The following EPHB1 variants were observed in gnomAD, a reference collection of about 807,000 sequenced individuals.
EPHB1 encodes EPH receptor B1, also known as ephrin type-B receptor 1.
A neutral mutation model predicts 94.4 loss-of-function variants in EPHB1; 30 were observed. The ratio of observed to expected loss-of-function variants is 0.32; its 90% CI spans 0.24 to 0.43. The LOEUF (loss-of-function observed/expected upper bound fraction) is 0.43, where lower values mean the gene tolerates loss of function less well. Among genes scored for constraint, EPHB1 ranks in the 20% least tolerant of loss-of-function variants. EPHB1 has a pLI of 1.00. For missense variants in EPHB1, 1,055 were observed against 1,308.3 expected, an observed-to-expected ratio of 0.81 and a Z score of 2.99; for synonymous variants, 522 against 489.1, an observed-to-expected ratio of 1.07 and a Z score of -0.89.
At chr3:135,146,817 G>T (rs979506164) in intron 5 of EPHB1, among the ~76,000 whole-genome samples, 3 of 152,112 alleles carry the variant, frequency 2.0e-5, no homozygotes, top group African/African-American at 7.2e-5. Context: ...TTACCTTGGG[G>T]AATGATGCCC....
intron 1 of EPHB1, among the ~76,000 whole-genome samples, chr3:134,854,498 A>G (rs1260296573): frequency 3.3e-5 from 5 of 152,058 alleles, no homozygotes; most frequent in African/African-American, 9.7e-5. Flanking sequence ...GCTTTAGAAC[A>G]GCCTGTGAAA....
intron 15 of EPHB1, among the ~76,000 whole-genome samples, chr3:135,250,716 T>TAC (rs1431991692): frequency 6.6e-6 from 1 of 151,894 alleles, no homozygotes; most frequent in African/African-American, 2.4e-5. Flanking sequence ...CACACACACA[T>TAC]ACACACACAC....
At chr3:135,099,584 G>A (rs1938956312) in intron 3 of EPHB1, among the ~76,000 whole-genome samples, 1 of 152,186 alleles carries the variant, frequency 6.6e-6, no homozygotes, top group African/African-American at 2.4e-5. Flanking sequence ...TTCCTTCTAG[G>A]GAGTTTCACC....
At chr3:135,106,685 G>A (rs2107799166) in intron 4 of EPHB1, 82 bp downstream of exon 4, 2 of 1,544,912 alleles carry the variant, frequency 1.3e-6, no homozygotes, top group Non-Finnish European at 1.8e-6. Context: ...AGGAAGAGAA[G>A]ACATCATCCT....
chr3:134,993,001 T>G (rs1367796771), intron 3 of EPHB1, among the ~76,000 whole-genome samples: 1 of 152,170 alleles, frequency 6.6e-6, no homozygotes, highest in Non-Finnish European at 1.5e-5. Context: ...TGGCCCATCC[T>G]CATGTGTCAC....
chr3:135,108,175 G>C (rs1181269021), intron 4 of EPHB1, among the ~76,000 whole-genome samples: 2 of 152,154 alleles, frequency 1.3e-5, no homozygotes, highest in Non-Finnish European at 2.9e-5. Flanking sequence ...CTCAGGTTTA[G>C]TGTGCAGCCG....
chr3:135,068,392 T>C (rs767553436), intron 3 of EPHB1, among the ~76,000 whole-genome samples: 2 of 152,208 alleles, frequency 1.3e-5, no homozygotes, highest in Non-Finnish European at 2.9e-5. Context: ...GATATTGTGG[T>C]TTCAATTTGC....
chr3:135,015,118 C>T (rs1344393556), intron 3 of EPHB1, among the ~76,000 whole-genome samples: 5 of 152,154 alleles, frequency 3.3e-5, no homozygotes, highest in Admixed American at 3.3e-4. Flanking sequence ...CTGTGCGTGG[C>T]CATTCCAGCA....
At chr3:134,946,185 C>A (rs2039213098) in intron 2 of EPHB1, among the ~76,000 whole-genome samples, 1 of 152,216 alleles carries the variant, frequency 6.6e-6, no homozygotes, top group Non-Finnish European at 1.5e-5. Flanking sequence ...AGTTGTCCTG[C>A]CCATACACTC....
At chr3:135,005,630 T>C (rs1935372275) in intron 3 of EPHB1, among the ~76,000 whole-genome samples, 1 of 152,248 alleles carries the variant, frequency 6.6e-6, no homozygotes, top group African/African-American at 2.4e-5. Context: ...TGTAGGACCC[T>C]CCGAGCCAGG....
intron 3 of EPHB1, among the ~76,000 whole-genome samples, chr3:135,005,565 T>C (rs1243099839): frequency 9.2e-5 from 14 of 152,314 alleles, no homozygotes; most frequent in African/African-American, 1.9e-4. Flanking sequence ...GCCTCGCTGC[T>C]GCCTTGCAGT....
At chr3:135,252,480 C>G (rs1933167833) in intron 15 of EPHB1, among the ~76,000 whole-genome samples, 1 of 148,604 alleles carries the variant, frequency 6.7e-6, no homozygotes, top group Admixed American at 6.8e-5. Context: ...GTTTTTTGTT[C>G]TCCCGATAGT....
intron 3 of EPHB1, among the ~76,000 whole-genome samples, chr3:135,105,190 G>T (rs773980653): frequency 6.6e-6 from 1 of 152,224 alleles, no homozygotes; most frequent in Non-Finnish European, 1.5e-5. Flanking sequence ...TCTATAAGTA[G>T]AAACCATTAT....
intron 3 of EPHB1, among the ~76,000 whole-genome samples, chr3:134,992,082 C>A (rs1008536752): frequency 6.6e-6 from 1 of 152,100 alleles, no homozygotes; most frequent in Non-Finnish European, 1.5e-5. Flanking sequence ...CTTAGGTCAC[C>A]TGTGAGGAAA....
chr3:134,826,605 G>A (rs2036483997), intron 1 of EPHB1, among the ~76,000 whole-genome samples: 2 of 152,072 alleles, frequency 1.3e-5, no homozygotes, highest in Admixed American at 1.3e-4. Context: ...AAAGCCCCTT[G>A]GAAATATAAA....
intron 12 of EPHB1, among the ~76,000 whole-genome samples, chr3:135,215,818 G>A (rs1943137848): frequency 6.6e-6 from 1 of 152,174 alleles, no homozygotes; most frequent in Non-Finnish European, 1.5e-5. Flanking sequence ...GAATCTGCAT[G>A]TCACGTGAGT....
chr3:135,200,779 A>G (rs1942729949), intron 11 of EPHB1, among the ~76,000 whole-genome samples: 2 of 152,180 alleles, frequency 1.3e-5, no homozygotes, highest in South Asian at 4.1e-4. Context: ...GTCATGAGAA[A>G]GTGCTAATCA....
chr3:135,006,990 G>C (rs1235455512), intron 3 of EPHB1, among the ~76,000 whole-genome samples: 1 of 152,206 alleles, frequency 6.6e-6, no homozygotes, highest in Non-Finnish European at 1.5e-5. Flanking sequence ...TATGTGAATG[G>C]AGGTGAGACC....
chr3:134,807,078 C>T (rs2036075954), intron 1 of EPHB1, among the ~76,000 whole-genome samples: 1 of 152,148 alleles, frequency 6.6e-6, no homozygotes, highest in African/African-American at 2.4e-5. Flanking sequence ...AATAGGCTGC[C>T]TTGAGAGATG....
Sources: allele counts gnomAD v4.1 joint callset (sites outside exome capture counted in the v4.1 genomes callset), GRCh38; gene constraint gnomAD v4.1.1; transcripts MANE v1.5; gene names NCBI Gene and HGNC (gene_info 2026-07-23, HGNC 2026-07-21).